SETBP1: variants seen among roughly 807,000 people sequenced by gnomAD.
SETBP1 encodes SET binding protein 1.
In SETBP1, 9 loss-of-function variants were observed where a neutral mutation model predicts 101.0. The ratio of observed to expected loss-of-function variants is 0.09; its 90% CI spans 0.05 to 0.16. The LOEUF (loss-of-function observed/expected upper bound fraction) is 0.16, where lower values mean the gene tolerates loss of function less well. Ranked by LOEUF, SETBP1 falls within the 10% of genes least tolerant of loss-of-function variation. SETBP1 has a pLI of 1.00. For synonymous variants in SETBP1, 818 were observed against 788.5 expected, an observed-to-expected ratio of 1.04 and a Z score of -0.63; for missense variants, 1,858 against 2,033.8, an observed-to-expected ratio of 0.91 and a Z score of 1.66.
intron 3 of SETBP1, among the ~76,000 whole-genome samples, chr18:44,890,257 C>A (rs900527308): frequency 1.3e-5 from 2 of 152,084 alleles, no homozygotes; most frequent in African/African-American, 4.8e-5. Context: ...AAACCCCTCA[C>A]CCCACCCCCA....
At chr18:45,018,890 A>C (rs1029615326) in intron 4 of SETBP1, among the ~76,000 whole-genome samples, 1 of 152,186 alleles carries the variant, frequency 6.6e-6, no homozygotes, top group African/African-American at 2.4e-5. Context: ...TGAGTAAGGG[A>C]GGTTACCTGC....
intron 2 of SETBP1, among the ~76,000 whole-genome samples, chr18:44,841,885 G>T (rs1389980046): frequency 6.6e-6 from 1 of 152,170 alleles, no homozygotes; most frequent in African/African-American, 2.4e-5. Context: ...CATAACTGCA[G>T]CAGCACATCA....
In SETBP1 at chr18:44,873,171, C is replaced by T. The variant is rs1823336616; in HGVS notation, c.540+3888C>T. Among the ~76,000 whole-genome samples the T allele has an allele frequency of 1.3e-5, 2 of 152,226 alleles. 1 individual carries two copies. Among genetic ancestry groups the T allele is most frequent in the Admixed American group, 1.3e-4 (2 of 15,284 alleles). The stretch of plus-strand genomic sequence containing the variant: ...CTCACTTAGTTGCCATTTCATTCAA[C>T]AGGCATCCATGGAAGACCTTTCTGT... On this transcript the variant is annotated intron_variant, in intron 3 of 5. Transcript: ENST00000649279.
In SETBP1 at chr18:45,067,964, AT is replaced by A. The variant is rs1199638797; in HGVS notation, c.*4267del. 4 of 152,170 alleles carry A rather than the reference AT, an allele frequency of 2.6e-5. No homozygotes were observed. The highest frequency in any genetic ancestry group is 5.9e-5 in the Non-Finnish European group (4 of 68,032). 9.4% of individuals were successfully genotyped at this position (152,170 alleles called of 1,614,324 possible). ...CTTTTTCTTCCTTTTTTTAAAAAAA[AT>A]CTATTTCTTAAATAATAATAAATGC... is the stretch of plus-strand genomic sequence containing the variant. On this transcript the variant is annotated 3_prime_UTR_variant, in exon 6 of 6. Coordinates refer to ENST00000649279, the MANE Select transcript of SETBP1 (RefSeq NM_015559.3).
intron 3 of SETBP1, among the ~76,000 whole-genome samples, chr18:44,947,492 C>CT (rs58509226): frequency 0.095 from 10,803 of 114,068 alleles, 788 homozygotes; most frequent in East Asian, 0.25. Flanking sequence ...GTTTGTCCCA[C>CT]TTTTTTTTTT....
At chr18:44,767,790 G>A (rs116052244) in intron 2 of SETBP1, among the ~76,000 whole-genome samples, 1 of 152,254 alleles carries the variant, frequency 6.6e-6, no homozygotes, top group African/African-American at 2.4e-5. Flanking sequence ...GATATTAAGT[G>A]GGAATAAAAC....
At position 44,952,394 on chromosome 18, in the gene SETBP1, G is replaced by A; in HGVS notation, c.3054G>A (p.Lys1018=). 1 of 1,614,126 alleles carries A rather than the reference G, an allele frequency of 6.2e-7. No individual in the cohort carries two copies. Among genetic ancestry groups the A allele is most frequent in the Non-Finnish European group, 8.5e-7 (1 of 1,180,042 alleles). ...RRTSDLKSKK[K]RGRPAKTNDT... is the part of the protein sequence containing the mutation. ...CTTCAGACTTGAAGTCAAAGAAGAA[G>A]CGTGGTAGGCCTGCAAAAACCAATG... is the stretch of plus-strand genomic sequence containing the variant. Residue 1018 remains lysine, a synonymous_variant, in exon 4 of 6, where the codon AAG becomes AAA. Coordinates refer to ENST00000649279, the MANE Select transcript of SETBP1 (RefSeq NM_015559.3).
chr18:44,977,547 T>C (rs2072018459), intron 4 of SETBP1, among the ~76,000 whole-genome samples: 1 of 152,266 alleles, frequency 6.6e-6, no homozygotes, highest in Non-Finnish European at 1.5e-5. Context: ...CCCTGATATG[T>C]TGGTTTAATT....
At chr18:44,745,172 C>T (rs1426172997) in intron 2 of SETBP1, among the ~76,000 whole-genome samples, 3 of 152,236 alleles carry the variant, frequency 2.0e-5, no homozygotes, top group African/African-American at 7.2e-5. Flanking sequence ...GTGAAGCTCT[C>T]AGAGCCCCCA....
At chr18:44,932,645 C>A (rs2070864038) in intron 3 of SETBP1, among the ~76,000 whole-genome samples, 1 of 152,098 alleles carries the variant, frequency 6.6e-6, no homozygotes, top group Admixed American at 6.5e-5. Flanking sequence ...TTTCTTTTTA[C>A]TCTTTTTTTT....
At chr18:44,895,519 A>G (rs2069880609) in intron 3 of SETBP1, among the ~76,000 whole-genome samples, 2 of 152,130 alleles carry the variant, frequency 1.3e-5, no homozygotes, top group Non-Finnish European at 2.9e-5. Flanking sequence ...TGGTTGAGTT[A>G]GAAAATGGCA....
intron 4 of SETBP1, among the ~76,000 whole-genome samples, chr18:44,992,845 C>T (rs1340468794): frequency 1.3e-5 from 2 of 151,726 alleles, no homozygotes; most frequent in Admixed American, 1.3e-4. Flanking sequence ...CTCTCAAACA[C>T]AGAATGAGAA....
chr18:44,977,834 C>G (rs776133621), intron 4 of SETBP1, among the ~76,000 whole-genome samples: 2 of 152,126 alleles, frequency 1.3e-5, no homozygotes, highest in Non-Finnish European at 2.9e-5. Context: ...TTTCATCTCC[C>G]CCTTATATCT....
chr18:44,940,241 A>T (rs568412647), intron 3 of SETBP1, among the ~76,000 whole-genome samples: 1 of 152,164 alleles, frequency 6.6e-6, no homozygotes, highest in South Asian at 2.1e-4. Flanking sequence ...CCCTCCTTTT[A>T]CTTTTAAGCT....
intron 2 of SETBP1, among the ~76,000 whole-genome samples, chr18:44,787,075 G>A (rs554320275): frequency 4.6e-5 from 7 of 152,312 alleles, no homozygotes; most frequent in Middle Eastern, 3.4e-3. Context: ...TATTCGGATG[G>A]TGTGTAGTAA....
chr18:44,942,308 G>A (rs1342683862), intron 3 of SETBP1, among the ~76,000 whole-genome samples: 1 of 152,150 alleles, frequency 6.6e-6, no homozygotes, highest in African/African-American at 2.4e-5. Context: ...TCTATGTTTA[G>A]CTGATAGCCC....
intron 2 of SETBP1, among the ~76,000 whole-genome samples, chr18:44,743,859 G>A (rs1340353234): frequency 1.3e-5 from 2 of 152,256 alleles, no homozygotes; most frequent in East Asian, 1.9e-4. Context: ...GCAGGATCTC[G>A]GAGAAGTGAG....
chr18:44,876,899 T>G (rs1220765034), intron 3 of SETBP1: 1 of 1,383,326 alleles, frequency 7.2e-7, no homozygotes, highest in Non-Finnish European at 9.4e-7. Flanking sequence ...ACATTCTCTC[T>G]GGGTCTAAAA....
chr18:44,716,177 C>G (rs1352975977), intron 2 of SETBP1, among the ~76,000 whole-genome samples: 2 of 152,148 alleles, frequency 1.3e-5, no homozygotes, highest in Admixed American at 6.5e-5. Flanking sequence ...TTCATGCTCC[C>G]GGAGGAAAGG....
Sources: allele counts gnomAD v4.1 joint callset (sites outside exome capture counted in the v4.1 genomes callset), GRCh38; gene constraint gnomAD v4.1.1; transcripts MANE v1.5; gene names NCBI Gene and HGNC (gene_info 2026-07-23, HGNC 2026-07-21).